The following BFSP2 variants were observed in gnomAD, a reference collection of about 807,000 sequenced individuals.
BFSP2 encodes the protein phakinin.
Under a neutral mutation model 44.9 loss-of-function variants are expected in BFSP2, and 38 were observed. The observed-to-expected ratio is 0.85, with a 90% CI of 0.65 to 1.11. The LOEUF (loss-of-function observed/expected upper bound fraction) is 1.11, where lower values mean the gene tolerates loss of function less well. BFSP2 is among the 50% of genes least tolerant of loss of function. The pLI, the probability that BFSP2 is intolerant of heterozygous loss-of-function variation, is 0.00. For synonymous variants in BFSP2, 197 were observed against 209.9 expected (o/e 0.94, Z 0.53); for missense variants, 525 against 533.0 (o/e 0.99, Z 0.15).
chr3:133,418,334 C>T lies in BFSP2; in HGVS notation c.489+17762C>T, dbSNP rs1225034773. Among the ~76,000 whole-genome samples the T allele has an allele frequency of 3.9e-5, 6 of 152,162 alleles. 1 individual carries two copies. Among genetic ancestry groups the T allele is most frequent in the Non-Finnish European group, 8.8e-5 (6 of 68,028 alleles). On this transcript the variant is annotated intron_variant, in intron 1 of 6. Transcript: ENST00000302334. ...GTTAGGTGATGGAGAGATTTATTAT[C>T]ACTCACCCACCAGGGAAACACGGGC...
chr3:133,430,851 G>A (rs189409462), intron 1 of BFSP2, among the ~76,000 whole-genome samples: 10 of 151,944 alleles, frequency 6.6e-5, no homozygotes, highest in Admixed American at 3.3e-4. Context: ...CTCAGCCTCC[G>A]CTCCTCCACC....
intron 1 of BFSP2, among the ~76,000 whole-genome samples, chr3:133,427,097 T>C (rs1021167616): frequency 6.6e-6 from 1 of 152,256 alleles, no homozygotes; most frequent in Non-Finnish European, 1.5e-5. Flanking sequence ...TATCTCATCA[T>C]GGTTCAACCA....
At chr3:133,453,004 G>GT (rs936613073) in intron 4 of BFSP2, among the ~76,000 whole-genome samples, 1 of 152,186 alleles carries the variant, frequency 6.6e-6, no homozygotes, top group African/African-American at 2.4e-5. Context: ...ATTCATTAGT[G>GT]TTTTTTTAAT....
intron 1 of BFSP2, among the ~76,000 whole-genome samples, chr3:133,402,370 T>G (rs2107873020): frequency 6.6e-6 from 1 of 152,326 alleles, no homozygotes; most frequent in African/African-American, 2.4e-5. Context: ...GCTTACATAT[T>G]CCAGCAAATC....
chr3:133,450,625 G>T (rs1293095834), intron 4 of BFSP2, among the ~76,000 whole-genome samples, 161 bp downstream of exon 4: 1 of 152,164 alleles, frequency 6.6e-6, no homozygotes, highest in Non-Finnish European at 1.5e-5. Flanking sequence ...ATAGCTTTTT[G>T]TTTACCTATC....
At chr3:133,463,433 C>T (rs1576596397) in intron 4 of BFSP2, among the ~76,000 whole-genome samples, 3 of 152,338 alleles carry the variant, frequency 2.0e-5, no homozygotes, top group South Asian at 4.1e-4. Context: ...GGGATTTATA[C>T]GTTGGCATGC....
chr3:133,461,016 A>G (rs1301860737), intron 4 of BFSP2, among the ~76,000 whole-genome samples: 1 of 152,188 alleles, frequency 6.6e-6, no homozygotes, highest in Non-Finnish European at 1.5e-5. Context: ...AAAGACCAGG[A>G]AGTATCAACA....
chr3:133,466,768 G>A (rs962107397), intron 4 of BFSP2, 60 bp from the exon 5 acceptor site: 1 of 1,573,426 alleles, frequency 6.4e-7, no homozygotes. Context: ...AGGCTGGGAA[G>A]GAAGGATGGG....
intron 1 of BFSP2, among the ~76,000 whole-genome samples, chr3:133,408,811 G>A (rs2073424937): frequency 7.1e-6 from 1 of 140,078 alleles, no homozygotes; most frequent in Non-Finnish European, 1.6e-5. Flanking sequence ...ACATACATAT[G>A]TGTTTACATT....
intron 1 of BFSP2, among the ~76,000 whole-genome samples, chr3:133,417,840 A>AT (rs2073556462): frequency 2.0e-5 from 1 of 50,246 alleles, no homozygotes; most frequent in East Asian, 4.9e-4. Context: ...CTCTCTACTC[A>AT]CCCGTCCTCT....
At chr3:133,408,686 T>C (rs1404445133) in intron 1 of BFSP2, among the ~76,000 whole-genome samples, 2 of 152,230 alleles carry the variant, frequency 1.3e-5, no homozygotes, top group South Asian at 2.1e-4. Flanking sequence ...AATCGCTCTA[T>C]AGCTACTATG....
At chr3:133,439,266 A>G (rs1013661320) in intron 1 of BFSP2, among the ~76,000 whole-genome samples, 2 of 152,202 alleles carry the variant, frequency 1.3e-5, no homozygotes, top group African/African-American at 2.4e-5. Context: ...CAGGCATCTT[A>G]TATTTGTTCT....
At chr3:133,463,106 C>G (rs184003971) in intron 4 of BFSP2, among the ~76,000 whole-genome samples, 1 of 152,082 alleles carries the variant, frequency 6.6e-6, no homozygotes, top group East Asian at 1.9e-4. Context: ...GTCAGGATTT[C>G]GAGACCAGCC....
At chr3:133,462,869 A>G (rs2074076429) in intron 4 of BFSP2, among the ~76,000 whole-genome samples, 1 of 152,236 alleles carries the variant, frequency 6.6e-6, no homozygotes, top group Non-Finnish European at 1.5e-5. Flanking sequence ...AAAGTCACTC[A>G]CATTATTTGT....
chr3:133,403,612 G>A (rs2073379895), intron 1 of BFSP2, among the ~76,000 whole-genome samples: 1 of 152,226 alleles, frequency 6.6e-6, no homozygotes, highest in East Asian at 1.9e-4. Context: ...TCAGGCTGGA[G>A]CAAGCAGTGG....
rs138813706 is a variant in BFSP2 at position 133,431,670 on chromosome 3, G to A, written c.490-15647G>A. Among the ~76,000 whole-genome samples, 46 of 152,174 alleles carry A rather than the reference G, an allele frequency of 3.0e-4. No individual in the cohort carries two copies. In the East Asian group the frequency reaches 7.9e-3, roughly 26 times the overall value. ...AGCTTTAGGTAACTCTCACAGCGGAGGGTAAGTCCATCCCCTTCTTATCAA... is the reference window on the plus strand; with the variant it reads ...AGCTTTAGGTAACTCTCACAGCGGAAGGTAAGTCCATCCCCTTCTTATCAA... On this transcript the variant is annotated intron_variant, in intron 1 of 6. Coordinates refer to ENST00000302334, the MANE Select transcript of BFSP2 (RefSeq NM_003571.4).
At chr3:133,429,872 A>T (rs1432078415) in intron 1 of BFSP2, among the ~76,000 whole-genome samples, 1 of 151,810 alleles carries the variant, frequency 6.6e-6, no homozygotes, top group Non-Finnish European at 1.5e-5. Context: ...GTCATTTAGC[A>T]TTAGGTATAT....
intron 1 of BFSP2, among the ~76,000 whole-genome samples, chr3:133,435,889 A>G (rs775969057): frequency 1.9e-4 from 29 of 151,940 alleles, no homozygotes; most frequent in African/African-American, 4.8e-4. Context: ...TTATTTTTCT[A>G]CTCAAGCTTC....
chr3:133,458,763 A>G (rs2074035997), intron 4 of BFSP2, among the ~76,000 whole-genome samples: 1 of 152,130 alleles, frequency 6.6e-6, no homozygotes, highest in South Asian at 2.1e-4. Flanking sequence ...TTATCTTCTT[A>G]TGTTGTGTGT....
Sources: gnomAD v4.1 joint callset for allele counts (sites outside exome capture counted in the v4.1 genomes callset) on GRCh38, gnomAD v4.1.1 for gene constraint, MANE v1.5 for transcripts, NCBI Gene and HGNC (gene_info 2026-07-23, HGNC 2026-07-21) for gene names.